Variants in TIAM1 observed in about 807,000 individuals in gnomAD.
The protein encoded by TIAM1 is rho guanine nucleotide exchange factor TIAM1.
Under a neutral mutation model 163.5 loss-of-function variants are expected in TIAM1, and 65 were observed. The observed-to-expected ratio is 0.40, with a 90% CI of 0.33 to 0.49. The LOEUF is 0.49. Among genes scored for constraint, TIAM1 ranks in the 20% least tolerant of loss-of-function variants. The pLI is 0.77. For missense variants in TIAM1, 1,789 were observed against 2,044.7 expected, an observed-to-expected ratio of 0.87 and a Z score of 2.41; for synonymous variants, 833 against 810.1, an observed-to-expected ratio of 1.03 and a Z score of -0.48.
intron 2 of TIAM1, among the ~76,000 whole-genome samples, chr21:31,451,871 C>G (rs530737520): frequency 6.6e-6 from 1 of 151,876 alleles, no homozygotes; most frequent in Non-Finnish European, 1.5e-5. Flanking sequence ...TTTGAGAGTA[C>G]TTCGTAAGTG....
At chr21:31,190,987 T>G (rs964050164) in intron 13 of TIAM1, among the ~76,000 whole-genome samples, 2 of 152,200 alleles carry the variant, frequency 1.3e-5, no homozygotes, top group Non-Finnish European at 2.9e-5. Context: ...ACAGATGGGC[T>G]GAATTTCGAC....
At chr21:31,199,401 C>G (rs1269488117) in intron 12 of TIAM1, among the ~76,000 whole-genome samples, 1 of 152,038 alleles carries the variant, frequency 6.6e-6, no homozygotes, top group African/African-American at 2.4e-5. Flanking sequence ...TCCCTCCCCC[C>G]CACCATCTCC....
chr21:31,266,720 A>T lies in TIAM1; in HGVS notation c.253T>A (p.Phe85Ile). Residue 85 changes from phenylalanine to isoleucine, a missense_variant, in exon 4 of 28, where the codon TTC becomes ATC. Transcript: ENST00000541036. ...CGGTCCACCCAGATGGGGCTCCCGA[A>T]GTCTTCTAGGGTACCATCTTGGGAG... The part of the protein sequence containing the change: ...PFSQDGTLED[F>I]GSPIWVDRVD... 1 of 1,614,182 alleles carries T rather than the reference A, an allele frequency of 6.2e-7. No individual in the cohort carries two copies. Among genetic ancestry groups the T allele is most frequent in the Non-Finnish European group, 8.5e-7 (1 of 1,180,030 alleles).
At chr21:31,155,979 T>C (rs1266416953) in intron 16 of TIAM1, among the ~76,000 whole-genome samples, 1 of 152,182 alleles carries the variant, frequency 6.6e-6, no homozygotes, top group African/African-American at 2.4e-5. Flanking sequence ...AAAACAATCG[T>C]TGGTGCACAG....
At chr21:31,305,433 A>C (rs931237851) in intron 2 of TIAM1, among the ~76,000 whole-genome samples, 1 of 152,056 alleles carries the variant, frequency 6.6e-6, no homozygotes, top group African/African-American at 2.4e-5. Flanking sequence ...AAAAAAAAAA[A>C]AAAAACAGTT....
chr21:31,260,264 G>A (rs996554935), intron 4 of TIAM1, among the ~76,000 whole-genome samples: 22 of 142,988 alleles, frequency 1.5e-4, no homozygotes, highest in Non-Finnish European at 3.3e-4. Flanking sequence ...TTGAGACGGA[G>A]TCTCACTCTG....
At chr21:31,344,091 A>G (rs1439414009) in intron 1 of TIAM1, 47 bp downstream of exon 1, 1 of 152,228 alleles carries the variant, frequency 6.6e-6, no homozygotes, top group East Asian at 1.9e-4. Context: ...CACCCGACAC[A>G]AAGAGATTCG....
At chr21:31,558,107 T>C (rs1441345550) in intron 1 of TIAM1, among the ~76,000 whole-genome samples, 1 of 152,088 alleles carries the variant, frequency 6.6e-6, no homozygotes, top group African/African-American at 2.4e-5. Context: ...GGCGCGCTGC[T>C]CTCGCCCAAT....
intron 1 of TIAM1, among the ~76,000 whole-genome samples, chr21:31,528,266 G>A (rs2047852472): frequency 6.6e-6 from 1 of 152,120 alleles, no homozygotes. Context: ...TATACTCCCA[G>A]CACTTTGGGA....
upstream of TIAM1, among the ~76,000 whole-genome samples, chr21:31,345,187 T>C (rs1055777948): frequency 1.3e-5 from 2 of 152,204 alleles, no homozygotes; most frequent in African/African-American, 4.8e-5. Flanking sequence ...GGTTGAAGCA[T>C]TCATGGATGA....
At chr21:31,544,231 T>A (rs1201065413) in intron 1 of TIAM1, among the ~76,000 whole-genome samples, 1 of 146,250 alleles carries the variant, frequency 6.8e-6, no homozygotes, top group Non-Finnish European at 1.5e-5. Flanking sequence ...AATAAATAAA[T>A]AAAAATAGGC....
chr21:31,147,033 T>C (rs763616258), intron 19 of TIAM1, 30 bp from the exon 20 acceptor site: 3 of 1,590,954 alleles, frequency 1.9e-6, no homozygotes, highest in Admixed American at 3.3e-5. Flanking sequence ...GCACAGTTGG[T>C]TGTTTCCTTC....
intron 2 of TIAM1, among the ~76,000 whole-genome samples, chr21:31,303,313 T>C (rs2074571464): frequency 6.6e-6 from 1 of 152,166 alleles, no homozygotes; most frequent in Non-Finnish European, 1.5e-5. Context: ...GAAAAGGTGC[T>C]CTACAGAGGT....
chr21:31,186,315 T>C (rs1215311473), intron 14 of TIAM1, among the ~76,000 whole-genome samples: 1 of 152,186 alleles, frequency 6.6e-6, no homozygotes, highest in East Asian at 1.9e-4. Flanking sequence ...TTGAAAGAGC[T>C]CTGCAGGCTC....
At chr21:31,206,819 G>T (rs74949699) in intron 11 of TIAM1, among the ~76,000 whole-genome samples, 3 of 138,972 alleles carry the variant, frequency 2.2e-5, no homozygotes, top group African/African-American at 9.4e-5. Context: ...AATCCATTAT[G>T]TTTTGCTATT....
At chr21:31,228,859 A>G (rs1315354648) in intron 6 of TIAM1, among the ~76,000 whole-genome samples, 2 of 152,216 alleles carry the variant, frequency 1.3e-5, no homozygotes, top group Non-Finnish European at 2.9e-5. Flanking sequence ...CAGAAAGGGA[A>G]GCAAACACGT....
At chr21:31,196,965 A>G (rs982457786) in intron 12 of TIAM1, among the ~76,000 whole-genome samples, 2 of 152,228 alleles carry the variant, frequency 1.3e-5, no homozygotes, top group African/African-American at 4.8e-5. Flanking sequence ...GCTGGAAGCC[A>G]TTATCCTACG....
chr21:31,136,467 G>A (rs2082624722), intron 22 of TIAM1, among the ~76,000 whole-genome samples: 2 of 147,562 alleles, frequency 1.4e-5, no homozygotes, highest in South Asian at 2.2e-4. Context: ...TTTGAGCTAG[G>A]AACAATACAA....
rs761537552 is a variant in TIAM1, at chr21:31,210,641, GAA to G, written c.2218-428_2218-427del. ...AGAAAGAAAGAAAGAAAGAAAGAAA[GAA>G]AGAAAGAAAGAAAGAAAGAAAGAAA... On this transcript the variant is annotated intron_variant, in intron 10 of 27. Coordinates refer to ENST00000541036, the MANE Select transcript of TIAM1 (RefSeq NM_001353694.2). Among the ~76,000 whole-genome samples, 239 of 35,674 alleles carry G rather than the reference GAA, an allele frequency of 6.7e-3. 17 individuals are homozygous for G. Among genetic ancestry groups the G allele is most frequent in the African/African-American group, 0.032 (219 of 6,750 alleles). The allele number at this position is 35,674 out of a possible 152,430, so 23.4% of individuals were successfully genotyped here. A position where few individuals can be genotyped will look rare whatever the true frequency, so the allele number is the denominator to read the frequency against.
Sources: allele counts gnomAD v4.1 joint callset (sites outside exome capture counted in the v4.1 genomes callset), GRCh38; gene constraint gnomAD v4.1.1; transcripts MANE v1.5; gene names NCBI Gene and HGNC (gene_info 2026-07-23, HGNC 2026-07-21).